Variants in SIK2 observed in about 807,000 individuals in gnomAD.
SIK2 encodes the protein serine/threonine-protein kinase SIK2.
A neutral mutation model predicts 103.2 loss-of-function variants in SIK2; 29 were observed. The ratio of observed to expected loss-of-function variants is 0.28; its 90% CI spans 0.21 to 0.38. The LOEUF (loss-of-function observed/expected upper bound fraction) is 0.38. SIK2 is among the 10% of genes least tolerant of loss of function. The pLI is 1.00. For missense variants in SIK2, 879 were observed against 1,171.0 expected (o/e 0.75, Z 3.64); for synonymous variants, 412 against 446.1 (o/e 0.92, Z 0.96).
At chr11:111,628,101 G>A (rs1941985020) in intron 3 of SIK2, among the ~76,000 whole-genome samples, 1 of 152,002 alleles carries the variant, frequency 6.6e-6, no homozygotes, top group Admixed American at 6.6e-5. Flanking sequence ...TTGCAAATAG[G>A]GTAGCTGCCC....
Position 111,640,072 on chromosome 11 carries a change from G to T in SIK2, c.316+19670G>T, listed in dbSNP as rs149373979. On this transcript the variant is annotated intron_variant, in intron 3 of 14. Coordinates refer to ENST00000304987, the MANE Select transcript of SIK2 (RefSeq NM_015191.3). The stretch of plus-strand genomic sequence containing the variant: ...TTGTGGTATTCCAACTAATAAGACT[G>T]TTGACTGTCCCTCAGCCCTTTCCTG... Among the ~76,000 whole-genome samples the T allele has an allele frequency of 1.6e-3, 243 of 152,292 alleles. 2 individuals carry two copies. The highest frequency in any genetic ancestry group is 5.4e-3 in the African/African-American group (225 of 41,556).
chr11:111,718,048 CT>C (rs1266615846), intron 9 of SIK2, among the ~76,000 whole-genome samples: 1 of 152,048 alleles, frequency 6.6e-6, no homozygotes, highest in African/African-American at 2.4e-5. Context: ...CCTGCACATC[CT>C]GCACACGTAC....
At chr11:111,669,905 AC>A (rs1942601630) in intron 3 of SIK2, among the ~76,000 whole-genome samples, 1 of 152,002 alleles carries the variant, frequency 6.6e-6, no homozygotes, top group Non-Finnish European at 1.5e-5. Flanking sequence ...CTTTTTTAAT[AC>A]TTTTTTAATT....
chr11:111,719,757 C>G lies in SIK2; in HGVS notation c.1267-18C>G. 1.2e-6 allele frequency: 2 copies of G among 1,605,790 alleles called. No homozygotes were observed. Among genetic ancestry groups the G allele is most frequent in the Non-Finnish European group, 1.7e-6 (2 of 1,175,514 alleles). On this transcript the variant is annotated intron_variant, in intron 9 of 14. Transcript: ENST00000304987. ...CAGCAGTGCAGAAACTGAGTTTCCT[C>G]TCTCCCCTGGCGTTTAGGTCAATGG...
intron 1 of SIK2, among the ~76,000 whole-genome samples, chr11:111,604,543 A>C (rs1941623571): frequency 6.6e-6 from 1 of 152,212 alleles, no homozygotes; most frequent in African/African-American, 2.4e-5. Context: ...TTGACAATTC[A>C]AATGGTGTCC....
At chr11:111,683,311 G>A (rs1048149226) in intron 3 of SIK2, 3 of 152,164 alleles carry the variant, frequency 2.0e-5, no homozygotes, top group Non-Finnish European at 4.4e-5. Flanking sequence ...TATATGAGTA[G>A]CTGCACTCCT....
intron 8 of SIK2, among the ~76,000 whole-genome samples, chr11:111,708,675 C>T (rs576572067): frequency 1.4e-4 from 21 of 152,240 alleles, no homozygotes; most frequent in African/African-American, 4.8e-4. Flanking sequence ...CCTCAACCTC[C>T]TGGGCTCAGG....
rs1169745497 is a variant in SIK2 at position 111,720,971 on chromosome 11, A to G, written c.1853A>G (p.Gln618Arg). The change falls in exon 12 of 15, where the codon CAG becomes CGG. Residue 618 changes from glutamine (Q) to arginine (R), a missense_variant. This residue lies in a region of SIK2 where 375 missense variants were observed against 416.3 expected (regional missense o/e 0.90). Coordinates refer to ENST00000304987, the MANE Select transcript of SIK2 (RefSeq NM_015191.3). ...GGAATTCTAGAGTTGAACAAAGTGC[A>G]GTTGTTGTATGAACAAATAGGACCG... ...TKGILELNKV[Q>R]LLYEQIGPEA... The G allele has an allele frequency of 1.2e-6, 2 of 1,614,098 alleles. No individual in the cohort carries two copies. Among genetic ancestry groups the G allele is most frequent in the Non-Finnish European group, 1.7e-6 (2 of 1,180,034 alleles).
chr11:111,699,227 G>GTGTT (rs1269590721), intron 4 of SIK2, among the ~76,000 whole-genome samples: 1 of 152,198 alleles, frequency 6.6e-6, no homozygotes, highest in Admixed American at 6.5e-5. Flanking sequence ...GCAGACCACA[G>GTGTT]TGTTGTTCAC....
chr11:111,726,857 C>T lies in SIK2; in HGVS notation c.*2728C>T. The T allele has an allele frequency of 2.0e-6, 2 of 980,426 alleles. No homozygotes were observed. Among genetic ancestry groups the T allele is most frequent in the South Asian group, 1.5e-5 (1 of 66,042 alleles). 60.7% of individuals were successfully genotyped at this position (980,426 alleles called of 1,614,324 possible). ...CTTCATCACCCTGTAAACCAGGCTC[C>T]TCTGAAGAGACTTTGGTGAGATGAA... On this transcript the variant is annotated 3_prime_UTR_variant, in exon 15 of 15. Coordinates refer to ENST00000304987, the MANE Select transcript of SIK2 (RefSeq NM_015191.3).
chr11:111,633,524 G>A (rs1942065836), intron 3 of SIK2, among the ~76,000 whole-genome samples: 1 of 152,106 alleles, frequency 6.6e-6, no homozygotes. Flanking sequence ...TCTTTGTTCA[G>A]TTTTTGAAAG....
At chr11:111,717,920 G>A (rs1180329854) in intron 9 of SIK2, among the ~76,000 whole-genome samples, 2 of 152,136 alleles carry the variant, frequency 1.3e-5, no homozygotes, top group Non-Finnish European at 2.9e-5. Context: ...GCCTGTTAGG[G>A]GGGCAATGGG....
intron 3 of SIK2, among the ~76,000 whole-genome samples, chr11:111,634,281 A>G (rs1942076934): frequency 6.6e-6 from 1 of 152,148 alleles, no homozygotes; most frequent in Non-Finnish European, 1.5e-5. Flanking sequence ...ATACCTTTGG[A>G]CACTGGTTAC....
chr11:111,666,645 A>G (rs1942546372), intron 3 of SIK2, among the ~76,000 whole-genome samples: 2 of 152,106 alleles, frequency 1.3e-5, no homozygotes, highest in African/African-American at 4.8e-5. Context: ...CTTTTTCTTC[A>G]GTTTTAGGAA....
chr11:111,724,119 T>C lies in SIK2; in HGVS notation c.2771T>C (p.Leu924Pro). Residue 924 changes from leucine to proline, a missense_variant, in exon 15 of 15, where the codon CTG (leucine) becomes CCG (proline). Physicochemically the swap from Leu to Pro is moderately conservative, Grantham distance 98 (BLOSUM62 -3). Around this residue, in one of 7 missense-constraint regions of SIK2, gnomAD observed 375 missense variants for 416.3 expected, o/e 0.90. Transcript: ENST00000304987. The stretch of plus-strand genomic sequence containing the variant: ...GATCCACAACACAACGGGTATGTCC[T>C]GGTGAATTAGTCTCAGCACAGGAAT... The part of the protein sequence containing the change: ...AVDPQHNGYV[L>P]VN 1 of 1,609,278 alleles carries C rather than the reference T, an allele frequency of 6.2e-7. No homozygotes were observed. The highest frequency in any genetic ancestry group is 2.2e-5 in the East Asian group (1 of 44,844).
Position 111,616,303 on chromosome 11 carries a change from C to T in SIK2, c.196C>T (p.Arg66Ter), listed in dbSNP as rs1324275007. ...TGCAGTGAACCTTGAGAAAATCTAC[C>T]GAGAAGTACAAATAATGAAAATGTT... ...LDAVNLEKIY[R>*]EVQIMKMLDH... Residue 66 changes from arginine (R) to a stop codon, truncating the protein, a stop_gained, in exon 2 of 15, where the codon CGA becomes TGA. Transcript: ENST00000304987. LOFTEE classifies it high-confidence loss of function. The T allele has an allele frequency of 1.2e-6, 2 of 1,613,376 alleles. No individual in the cohort carries two copies. The highest frequency in any genetic ancestry group is 1.3e-5 in the African/African-American group (1 of 74,820).
chr11:111,624,252 C>T (rs995428520), intron 3 of SIK2, among the ~76,000 whole-genome samples: 1 of 152,182 alleles, frequency 6.6e-6, no homozygotes, highest in East Asian at 1.9e-4. Flanking sequence ...TCTGACTAAA[C>T]TCATTGTATT....
Position 111,721,840 on chromosome 11 carries a change from C to T in SIK2, c.1955C>T (p.Ser652Phe). 6.2e-7 allele frequency: 1 copy of T among 1,607,466 alleles called. No individual in the cohort carries two copies. Among genetic ancestry groups the T allele is most frequent in the Non-Finnish European group, 8.5e-7 (1 of 1,177,134 alleles). Residue 652 changes from serine to phenylalanine, a missense_variant, in exon 13 of 15, where the codon TCT (serine) becomes TTT (phenylalanine). Ser to Phe is a radical substitution (Grantham distance 155). Around this residue, in one of 7 missense-constraint regions of SIK2, gnomAD observed 375 missense variants for 416.3 expected, o/e 0.90. Transcript: ENST00000304987. ...CCCCTTGCTCCTCAGGAAGAAGTTT[C>T]TCAGCAGCAGGAAAGCGTCTCCACT... ...LASSCPQEEVSQQQESVSTLP... is the reference protein window; with the variant it reads ...LASSCPQEEVFQQQESVSTLP...
Position 111,728,265 on chromosome 11 carries a change from C to G in SIK2, c.*4136C>G, listed in dbSNP as rs990488032. The G allele has an allele frequency of 2.0e-5, 3 of 148,654 alleles. No individual in the cohort carries two copies. The highest frequency in any genetic ancestry group is 7.4e-5 in the African/African-American group (3 of 40,286). 9.2% of individuals were successfully genotyped at this position (148,654 alleles called of 1,614,324 possible). ...CATTGTACAGGCAGGGATCTTTGATCATTTTGTTGCTTCTGGAATTTATTT... is the reference window on the plus strand; with the variant it reads ...CATTGTACAGGCAGGGATCTTTGATGATTTTGTTGCTTCTGGAATTTATTT... On this transcript the variant is annotated 3_prime_UTR_variant, in exon 15 of 15. Transcript: ENST00000304987.
Sources: allele counts gnomAD v4.1 joint callset (sites outside exome capture counted in the v4.1 genomes callset), GRCh38; gene constraint gnomAD v4.1.1; regional missense constraint gnomAD v4.1.1; transcripts MANE v1.5; gene names NCBI Gene and HGNC (gene_info 2026-07-23, HGNC 2026-07-21).